The following EEF1AKMT2 variants were observed in gnomAD, a reference collection of about 807,000 sequenced individuals.
EEF1AKMT2 encodes eukaryotic translation elongation factor 1 alpha lysine methyltransferase 2.
EEF1AKMT2 carries 32 observed loss-of-function variants against 35.8 expected under a neutral mutation model. That is an observed-to-expected ratio of 0.89 (90% CI 0.67 to 1.20). The LOEUF is 1.20. Among genes scored for constraint, EEF1AKMT2 ranks in the 50% most tolerant of loss-of-function variants. The pLI is 0.00. For synonymous variants in EEF1AKMT2, 121 were observed against 133.7 expected, an observed-to-expected ratio of 0.91 and a Z score of 0.65; for missense variants, 330 against 347.5, an observed-to-expected ratio of 0.95 and a Z score of 0.40.
chr10:124,765,188 A>G (rs1391428674), intron 5 of EEF1AKMT2, among the ~76,000 whole-genome samples: 3 of 152,246 alleles, frequency 2.0e-5, no homozygotes, highest in Non-Finnish European at 4.4e-5. Flanking sequence ...AAATTTTAAA[A>G]GATCTCTGGA....
chr10:124,776,763 C>A (rs1589787263), intron 3 of EEF1AKMT2, among the ~76,000 whole-genome samples: 1 of 151,680 alleles, frequency 6.6e-6, no homozygotes, highest in Non-Finnish European at 1.5e-5. Flanking sequence ...CCACTGCACT[C>A]CAGCCTGGGC....
intron 3 of EEF1AKMT2, among the ~76,000 whole-genome samples, chr10:124,786,664 T>G (rs1950587007): frequency 6.8e-6 from 1 of 147,822 alleles, no homozygotes; most frequent in South Asian, 2.1e-4. Context: ...AATACAAAAA[T>G]TAACCAGGCA....
Position 124,774,766 on chromosome 10 carries a change from G to T in EEF1AKMT2, c.308C>A (p.Ser103Tyr). 6.8e-7 allele frequency: 1 copy of T among 1,462,050 alleles called. No homozygotes were observed. The highest frequency in any genetic ancestry group is 9.0e-7 in the Non-Finnish European group (1 of 1,108,416). The allele number at this position is 1,462,050 out of a possible 1,614,324, so 90.6% of individuals were successfully genotyped here. ...AGAGTAATCAATTCCAGTAATATTA[G>T]AGAAACCAAATTTTGCCTAGAGAGA... ...FLVELAKFGF[S>Y]NITGIDYSPS... Residue 103 changes from serine to tyrosine, a missense_variant, in exon 4 of 7, where the codon TCT becomes TAT. Transcript: ENST00000368836.
At chr10:124,761,834 G>A (rs1216473205) in intron 6 of EEF1AKMT2, among the ~76,000 whole-genome samples, 3 of 152,216 alleles carry the variant, frequency 2.0e-5, no homozygotes, top group African/African-American at 7.2e-5. Context: ...GGAGGCTGAA[G>A]TGGGAGATGC....
chr10:124,770,562 G>A (rs1272490501), intron 4 of EEF1AKMT2, among the ~76,000 whole-genome samples: 1 of 152,154 alleles, frequency 6.6e-6, no homozygotes, highest in Non-Finnish European at 1.5e-5. Context: ...CTGAAGGCTG[G>A]GGTAGCTGTG....
At chr10:124,780,919 G>C (rs1311419535) in intron 3 of EEF1AKMT2, among the ~76,000 whole-genome samples, 1 of 151,574 alleles carries the variant, frequency 6.6e-6, no homozygotes, top group East Asian at 1.9e-4. Flanking sequence ...GATTCCTCAT[G>C]AGAAAACATG....
intron 5 of EEF1AKMT2, among the ~76,000 whole-genome samples, chr10:124,763,779 A>C (rs1950352747): frequency 6.6e-6 from 1 of 152,194 alleles, no homozygotes. Flanking sequence ...AAAACCAGGA[A>C]AGAAACTTGC....
intron 4 of EEF1AKMT2, 35 bp from the exon 5 acceptor site, chr10:124,765,643 TAAAAC>T: frequency 6.6e-7 from 1 of 1,515,902 alleles, no homozygotes; most frequent in Non-Finnish European, 9.1e-7. Flanking sequence ...TGAGAACAAT[TAAAAC>T]AAAATCCTTA....
At chr10:124,757,084 A>G (rs1035955176), downstream of EEF1AKMT2, among the ~76,000 whole-genome samples, 3 of 151,510 alleles carry the variant, frequency 2.0e-5, no homozygotes, top group Admixed American at 6.6e-5. Flanking sequence ...ACCTCCCACA[A>G]TCAAGCTCTA....
intron 4 of EEF1AKMT2, among the ~76,000 whole-genome samples, chr10:124,774,091 G>C (rs1223066828): frequency 6.6e-6 from 1 of 152,104 alleles, no homozygotes; most frequent in Non-Finnish European, 1.5e-5. Flanking sequence ...ATGTGGGCAG[G>C]GCGCGGTGGC....
intron 3 of EEF1AKMT2, among the ~76,000 whole-genome samples, chr10:124,777,454 G>A (rs188523346): frequency 6.6e-6 from 1 of 151,884 alleles, no homozygotes; most frequent in East Asian, 1.9e-4. Flanking sequence ...CTACACACCT[G>A]TACAGCATTT....
At chr10:124,779,744 T>C (rs1950522954) in intron 3 of EEF1AKMT2, among the ~76,000 whole-genome samples, 2 of 16,474 alleles carry the variant, frequency 1.2e-4, no homozygotes, top group Non-Finnish European at 2.7e-4. Context: ...CGAGACTCCA[T>C]CTCAAAAAAA....
Position 124,776,698 on chromosome 10 carries a change from G to C in EEF1AKMT2, c.292-1916C>G, listed in dbSNP as rs905093867. Among the ~76,000 whole-genome samples, 23 of 152,066 alleles carry C rather than the reference G, an allele frequency of 1.5e-4. 1 individual carries two copies. Among genetic ancestry groups the C allele is most frequent in the Admixed American group, 1.2e-3 (18 of 15,258 alleles). ...TAATCCCAGCTACTCGGGAGGCTGA[G>C]GCAGGAGAATTGCTTGAACCCGGGA... is the stretch of plus-strand genomic sequence containing the variant. On this transcript the variant is annotated intron_variant, in intron 3 of 6. Transcript: ENST00000368836.
intron 3 of EEF1AKMT2, among the ~76,000 whole-genome samples, chr10:124,779,558 AAC>A (rs1372731352): frequency 2.0e-5 from 3 of 150,878 alleles, no homozygotes; most frequent in Non-Finnish European, 4.4e-5. Context: ...CATCCTGGCT[AAC>A]ACAGTGAAAC....
At chr10:124,787,694 C>A (rs1002519399) in intron 3 of EEF1AKMT2, among the ~76,000 whole-genome samples, 7 of 150,592 alleles carry the variant, frequency 4.6e-5, no homozygotes, top group Non-Finnish European at 1.0e-4. Context: ...TACAATGTGC[C>A]ATGATCTCAC....
chr10:124,790,008 C>T (rs1268595144), intron 2 of EEF1AKMT2, among the ~76,000 whole-genome samples: 1 of 151,838 alleles, frequency 6.6e-6, no homozygotes, highest in Non-Finnish European at 1.5e-5. Context: ...TCCCCTGCCT[C>T]GGCCTCCCAA....
Position 124,759,614 on chromosome 10 carries a change from C to CTG in EEF1AKMT2, c.*887_*888dup, listed in dbSNP as rs1253456691. ...CCCAGATAAAAATCCTGGCTCCATC[C>CTG]TGTACTGTTGAACCTCATAAAAGTG... On this transcript the variant is annotated 3_prime_UTR_variant, in exon 7 of 7. Transcript: ENST00000368836. The CTG allele has an allele frequency of 6.6e-6, 1 of 152,174 alleles. No homozygotes were observed. Among genetic ancestry groups the CTG allele is most frequent in the African/African-American group, 2.4e-5 (1 of 41,438 alleles). 9.4% of individuals were successfully genotyped at this position (152,174 alleles called of 1,614,324 possible).
At chr10:124,785,895 C>CAAAAA (rs34637624) in intron 3 of EEF1AKMT2, among the ~76,000 whole-genome samples, 5 of 59,464 alleles carry the variant, frequency 8.4e-5, no homozygotes, top group Admixed American at 2.3e-4. Context: ...GACTCTGTCT[C>CAAAAA]AAAAAAAAAA....
chr10:124,774,757 G>A lies in EEF1AKMT2; in HGVS notation c.317C>T (p.Thr106Ile). 2.0e-6 allele frequency: 3 copies of A among 1,476,836 alleles called. No homozygotes were observed. The highest frequency in any genetic ancestry group is 2.7e-6 in the Non-Finnish European group (3 of 1,117,752). The allele number at this position is 1,476,836 out of a possible 1,614,324, so 91.5% of individuals were successfully genotyped here. A position where few individuals can be genotyped will look rare whatever the true frequency, so the allele number is the denominator to read the frequency against. Reference sequence around the variant, plus strand: ...TGCAGAAGGAGAGTAATCAATTCCAGTAATATTAGAGAAACCAAATTTTGC... The same window carrying A: ...TGCAGAAGGAGAGTAATCAATTCCAATAATATTAGAGAAACCAAATTTTGC... ...ELAKFGFSNI[T>I]GIDYSPSAIQ... The change falls in exon 4 of 7, where the codon ACT (threonine) becomes ATT (isoleucine). Residue 106 changes from threonine (T) to isoleucine (I), a missense_variant. By Grantham distance (89) the Thr-to-Ile change is moderately conservative (BLOSUM62 -1). Transcript: ENST00000368836.
Sources: allele counts gnomAD v4.1 joint callset (sites outside exome capture counted in the v4.1 genomes callset), GRCh38; gene constraint gnomAD v4.1.1; transcripts MANE v1.5; gene names NCBI Gene and HGNC (gene_info 2026-07-23, HGNC 2026-07-21).